PDE6D: variants seen among roughly 807,000 people sequenced by gnomAD.
PDE6D encodes retinal rod rhodopsin-sensitive cGMP 3',5'-cyclic phosphodiesterase subunit delta.
PDE6D carries 10 observed loss-of-function variants against 21.9 expected under a neutral mutation model. The observed-to-expected ratio is 0.46, with a 90% CI of 0.28 to 0.78. The LOEUF (loss-of-function observed/expected upper bound fraction) is 0.78, where lower values mean the gene tolerates loss of function less well. PDE6D is among the 30% of genes least tolerant of loss of function. The pLI is 0.12. For synonymous variants in PDE6D, 59 were observed against 63.5 expected (o/e 0.93, Z 0.34); for missense variants, 139 against 184.8 (o/e 0.75, Z 1.44).
At chr2:231,746,080 T>C (rs756479961) in intron 1 of PDE6D, among the ~76,000 whole-genome samples, 1 of 152,222 alleles carries the variant, frequency 6.6e-6, no homozygotes, top group Non-Finnish European at 1.5e-5. Context: ...TTCTTAAAAC[T>C]TTTTTATTTA....
intron 1 of PDE6D, among the ~76,000 whole-genome samples, chr2:231,750,560 G>A (rs1425551819): frequency 1.4e-5 from 2 of 146,702 alleles, no homozygotes; most frequent in African/African-American, 2.5e-5. Context: ...GCTGGAGTGC[G>A]ATCTCAGCTC....
chr2:231,746,929 T>C (rs1425266895), intron 1 of PDE6D, among the ~76,000 whole-genome samples: 2 of 152,206 alleles, frequency 1.3e-5, no homozygotes, highest in East Asian at 3.8e-4. Context: ...TACAGTTTTC[T>C]TCCTACTTTA....
intron 1 of PDE6D, among the ~76,000 whole-genome samples, chr2:231,751,203 C>T (rs1157499609): frequency 2.6e-5 from 4 of 151,862 alleles, no homozygotes; most frequent in Non-Finnish European, 4.4e-5. Context: ...ATTGCCCAGG[C>T]TGGACTGCAG....
chr2:231,762,158 T>C (rs2048935889), intron 1 of PDE6D, among the ~76,000 whole-genome samples: 1 of 152,206 alleles, frequency 6.6e-6, no homozygotes, highest in Non-Finnish European at 1.5e-5. Flanking sequence ...ATTCCATTTA[T>C]GATAACAAAA....
chr2:231,774,390 T>TCTGAGTCTGTTGTTCTGAGA (rs1335528661), intron 1 of PDE6D, among the ~76,000 whole-genome samples: 2 of 152,174 alleles, frequency 1.3e-5, no homozygotes, highest in African/African-American at 2.4e-5. Flanking sequence ...GTCTGAGTGT[T>TCTGAGTCTGTTGTTCTGAGA]CTGTTGAGAG....
In PDE6D at chr2:231,732,461, A is replaced by G. The variant is rs1033159155; in HGVS notation, c.*491T>C. The G allele has an allele frequency of 6.6e-6, 1 of 152,304 alleles. No homozygotes were observed. Among genetic ancestry groups the G allele is most frequent in the African/African-American group, 2.4e-5 (1 of 41,464 alleles). 9.4% of individuals were successfully genotyped at this position (152,304 alleles called of 1,614,324 possible). A position where few individuals can be genotyped will look rare whatever the true frequency, so the allele number is the denominator to read the frequency against. ...AGACTGTAGGAATATTTTAATTCAT[A>G]TTTTTAATTACATTATGTAATAATA... On this transcript the variant is annotated 3_prime_UTR_variant, in exon 5 of 5. Transcript: ENST00000287600.
intron 1 of PDE6D, among the ~76,000 whole-genome samples, chr2:231,759,277 T>C (rs779593163): frequency 9.2e-5 from 14 of 151,978 alleles, no homozygotes; most frequent in Admixed American, 2.0e-4. Flanking sequence ...GTTCATGCCA[T>C]TGCACTCCAG....
At chr2:231,761,974 G>A (rs1430681305) in intron 1 of PDE6D, among the ~76,000 whole-genome samples, 1 of 152,210 alleles carries the variant, frequency 6.6e-6, no homozygotes, top group East Asian at 1.9e-4. Flanking sequence ...TCCAGGGCTA[G>A]AAGAGCTGAG....
intron 1 of PDE6D, among the ~76,000 whole-genome samples, chr2:231,742,130 G>GT (rs1014769908): frequency 8.3e-4 from 122 of 147,818 alleles, no homozygotes; most frequent in South Asian, 4.1e-3. Context: ...TGTGTTTTTT[G>GT]TTTTTTTTTT....
chr2:231,764,589 A>G (rs1417892994), intron 1 of PDE6D, among the ~76,000 whole-genome samples: 1 of 152,234 alleles, frequency 6.6e-6, no homozygotes, highest in Admixed American at 6.5e-5. Context: ...GGAGGCCAGC[A>G]TGTGTAACAA....
At chr2:231,744,872 G>A (rs1187332863) in intron 1 of PDE6D, among the ~76,000 whole-genome samples, 1 of 152,110 alleles carries the variant, frequency 6.6e-6, no homozygotes, top group African/African-American at 2.4e-5. Context: ...TATATCATGT[G>A]CATCATTTTA....
At chr2:231,733,791 A>T (rs1305163170) in intron 4 of PDE6D, among the ~76,000 whole-genome samples, 2 of 151,934 alleles carry the variant, frequency 1.3e-5, no homozygotes, top group Non-Finnish European at 2.9e-5. Flanking sequence ...CTGTATTGTG[A>T]GGTGTGAGGG....
chr2:231,769,149 G>A (rs192469364), intron 1 of PDE6D, among the ~76,000 whole-genome samples: 10 of 152,296 alleles, frequency 6.6e-5, no homozygotes, highest in Non-Finnish European at 1.0e-4. Context: ...GATTACAGGC[G>A]TGAGCCACCA....
At chr2:231,780,249 T>C (rs1412958300) in intron 1 of PDE6D, among the ~76,000 whole-genome samples, 3 of 152,128 alleles carry the variant, frequency 2.0e-5, no homozygotes, top group Non-Finnish European at 4.4e-5. Context: ...ACACCATTGC[T>C]GGACAGCTCC....
Position 231,781,181 on chromosome 2 carries a change from A to T in PDE6D, c.-67T>A. 8 of 1,516,328 alleles carry T rather than the reference A, an allele frequency of 5.3e-6. No individual in the cohort carries two copies. Among genetic ancestry groups the T allele is most frequent in the Non-Finnish European group, 7.3e-6 (8 of 1,096,352 alleles). The allele number at this position is 1,516,328 out of a possible 1,614,324, so 93.9% of individuals were successfully genotyped here. ...CGGAGCCTCGCAGACGGTGCCCAGG[A>T]GCCGAGGATGGAGCCGCAGCCCGGC... On this transcript the variant is annotated 5_prime_UTR_variant, in exon 1 of 5. Coordinates refer to ENST00000287600, the MANE Select transcript of PDE6D (RefSeq NM_002601.4).
chr2:231,746,649 A>G lies in PDE6D; in HGVS notation c.51-7461T>C, dbSNP rs945582711. On this transcript the variant is annotated intron_variant, in intron 1 of 4. Coordinates refer to ENST00000287600, the MANE Select transcript of PDE6D (RefSeq NM_002601.4). ...TATATAATAAACAGATCCACACTAC[A>G]TGCCCGTACCTCACCGGCCAGTTGA... Among the ~76,000 whole-genome samples the G allele has an allele frequency of 3.3e-5, 5 of 152,294 alleles. No homozygotes were observed. The East Asian group carries it at 9.6e-4, about 29-fold the overall frequency.
rs8165 is a variant in PDE6D, at chr2:231,732,765, T to A, written c.*187A>T. 9.1e-6 allele frequency: 5 copies of A among 548,050 alleles called. No individual in the cohort carries two copies. The highest frequency in any genetic ancestry group is 1.3e-5 in the Non-Finnish European group (4 of 305,402). The allele number at this position is 548,050 out of a possible 1,614,324, so 33.9% of individuals were successfully genotyped here. The stretch of plus-strand genomic sequence containing the variant: ...TTTAGTCTGGTCAGCTGGAAGATGG[T>A]GGCTTGGGAAAAAGAGCCATCTGGT... On this transcript the variant is annotated 3_prime_UTR_variant, in exon 5 of 5. Coordinates refer to ENST00000287600, the MANE Select transcript of PDE6D (RefSeq NM_002601.4).
At chr2:231,762,215 C>A (rs2048936378) in intron 1 of PDE6D, among the ~76,000 whole-genome samples, 2 of 151,348 alleles carry the variant, frequency 1.3e-5, no homozygotes, top group African/African-American at 4.9e-5. Context: ...TTAAATATTT[C>A]AAAATAATGA....
At chr2:231,747,486 A>T (rs924919669) in intron 1 of PDE6D, among the ~76,000 whole-genome samples, 5 of 152,228 alleles carry the variant, frequency 3.3e-5, no homozygotes, top group African/African-American at 1.2e-4. Context: ...TGGCATTAGT[A>T]AGCCATGTGT....
Sources: gnomAD v4.1 joint callset for allele counts (sites outside exome capture counted in the v4.1 genomes callset) on GRCh38, gnomAD v4.1.1 for gene constraint, MANE v1.5 for transcripts, NCBI Gene and HGNC (gene_info 2026-07-23, HGNC 2026-07-21) for gene names.